The following PKHD1 variants were observed in gnomAD, a reference collection of about 807,000 sequenced individuals.
The protein encoded by PKHD1 is fibrocystin.
PKHD1 carries 291 observed loss-of-function variants against 412.0 expected under a neutral mutation model. The observed-to-expected ratio is 0.71, with a 90% CI of 0.64 to 0.78. The LOEUF is 0.78. PKHD1 is among the 30% of genes least tolerant of loss of function. The pLI is 0.00. For missense variants in PKHD1, 4,825 were observed against 4,950.7 expected, an observed-to-expected ratio of 0.97 and a Z score of 0.76; for synonymous variants, 1,777 against 1,821.5, an observed-to-expected ratio of 0.98 and a Z score of 0.62.
At chr6:51,655,451 T>C (rs1050488431) in intron 61 of PKHD1, among the ~76,000 whole-genome samples, 4 of 152,110 alleles carry the variant, frequency 2.6e-5, no homozygotes, top group African/African-American at 9.7e-5. Context: ...CTTAAAAAGC[T>C]ACTAATATGA....
At chr6:51,790,105 T>C (rs1416800216) in intron 53 of PKHD1, among the ~76,000 whole-genome samples, 12 of 152,196 alleles carry the variant, frequency 7.9e-5, no homozygotes, top group Admixed American at 7.9e-4. Context: ...CCAACTGAGA[T>C]TCTAAAATTT....
chr6:51,632,332 A>G (rs1317042966), intron 65 of PKHD1, among the ~76,000 whole-genome samples: 1 of 152,182 alleles, frequency 6.6e-6, no homozygotes, highest in Non-Finnish European at 1.5e-5. Context: ...AATGTGTTCC[A>G]TAGTGAGTAT....
intron 23 of PKHD1, among the ~76,000 whole-genome samples, chr6:52,046,752 C>T (rs1422311188): frequency 2.0e-5 from 3 of 152,250 alleles, no homozygotes; most frequent in Non-Finnish European, 4.4e-5. Context: ...TAACAGCTCT[C>T]TGTATTTGAA....
At chr6:52,078,058 G>A (rs1390491624) in intron 5 of PKHD1, among the ~76,000 whole-genome samples, 1 of 152,132 alleles carries the variant, frequency 6.6e-6, no homozygotes, top group African/African-American at 2.4e-5. Context: ...ATTTCAACCT[G>A]AAATCTAAGA....
intron 12 of PKHD1, 114 bp from the exon 13 acceptor site, chr6:52,065,164 T>TAGAGAGAGAGAGAGAGAGAGAG (rs1415728896): frequency 1.8e-5 from 1 of 57,124 alleles, no homozygotes; most frequent in African/African-American, 8.9e-5. Flanking sequence ...TATATATATA[T>TAGAGAGAGAGAGAGAGAGAGAG]ATATAGAGAG....
chr6:52,017,277 C>T (rs9349614), intron 34 of PKHD1, 133 bp downstream of exon 34: 1 of 732,814 alleles, frequency 1.4e-6, no homozygotes. Flanking sequence ...AATGGAATGG[C>T]CCCTCCAAGA....
rs1473880969 is a variant in PKHD1 at position 51,760,713 on chromosome 6, C to T, written c.8643-5775G>A. ...AGAAACATTCCAAACAAAATATATA[C>T]AAAGAACACATCATTAATTTAACAT... On this transcript the variant is annotated intron_variant, in intron 55 of 66. Transcript: ENST00000371117. Among the ~76,000 whole-genome samples, 8 of 151,946 alleles carry T rather than the reference C, an allele frequency of 5.3e-5. No homozygotes were observed. In the East Asian group the frequency reaches 1.5e-3, roughly 29 times the overall value.
chr6:51,874,650 C>T (rs1346819166), intron 46 of PKHD1, among the ~76,000 whole-genome samples: 1 of 152,098 alleles, frequency 6.6e-6, no homozygotes, highest in African/African-American at 2.4e-5. Flanking sequence ...AATTCCTGGC[C>T]AGGCGCAGTG....
At chr6:52,054,743 T>C (rs540309878) in intron 19 of PKHD1, among the ~76,000 whole-genome samples, 1 of 152,222 alleles carries the variant, frequency 6.6e-6, no homozygotes, top group African/African-American at 2.4e-5. Flanking sequence ...ACCCACCAGA[T>C]GCCAATAGCA....
At chr6:51,706,494 A>AG (rs1554201002) in intron 60 of PKHD1, among the ~76,000 whole-genome samples, 5 of 150,630 alleles carry the variant, frequency 3.3e-5, no homozygotes, top group South Asian at 4.2e-4. Context: ...AAAAAAAAAA[A>AG]GGGTAACATG....
At chr6:51,910,724 C>T (rs1201187274) in intron 39 of PKHD1, among the ~76,000 whole-genome samples, 2 of 151,932 alleles carry the variant, frequency 1.3e-5, no homozygotes, top group Non-Finnish European at 2.9e-5. Context: ...ATGTAGATCC[C>T]AATTCTGCAG....
At chr6:51,988,677 C>A (rs779384605) in intron 35 of PKHD1, among the ~76,000 whole-genome samples, 2 of 152,168 alleles carry the variant, frequency 1.3e-5, no homozygotes, top group Non-Finnish European at 2.9e-5. Context: ...TTAGAGAGGG[C>A]TTTACACCTG....
intron 27 of PKHD1, among the ~76,000 whole-genome samples, chr6:52,039,877 G>A (rs1250998387): frequency 1.3e-5 from 2 of 152,162 alleles, no homozygotes; most frequent in Non-Finnish European, 2.9e-5. Flanking sequence ...GAGATGGATG[G>A]AAAACAAAAT....
intron 55 of PKHD1, among the ~76,000 whole-genome samples, chr6:51,771,096 T>G (rs1446400392): frequency 6.9e-6 from 1 of 144,018 alleles, no homozygotes. Context: ...CTCCCATAAT[T>G]GTGTAAATCT....
At chr6:51,751,215 T>C (rs1025971223) in intron 57 of PKHD1, among the ~76,000 whole-genome samples, 1 of 152,184 alleles carries the variant, frequency 6.6e-6, no homozygotes, top group Non-Finnish European at 1.5e-5. Flanking sequence ...CCCTCCAATA[T>C]AAAAGTAGGA....
At chr6:52,050,105 G>A (rs1319227531) in intron 22 of PKHD1, 52 bp downstream of exon 22, 4 of 1,587,552 alleles carry the variant, frequency 2.5e-6, no homozygotes, top group Admixed American at 1.7e-5. Context: ...GTCCCTCAAG[G>A]CCAACAAGCA....
intron 48 of PKHD1, among the ~76,000 whole-genome samples, chr6:51,860,008 G>T (rs1363198074): frequency 1.3e-5 from 2 of 152,180 alleles, no homozygotes; most frequent in African/African-American, 2.4e-5. Context: ...TTCATGCACT[G>T]CTCATTCTCT....
chr6:51,932,190 T>A (rs983650657), intron 37 of PKHD1, among the ~76,000 whole-genome samples: 1 of 152,206 alleles, frequency 6.6e-6, no homozygotes, highest in Non-Finnish European at 1.5e-5. Flanking sequence ...GACTAGGGAT[T>A]TTCTTGACAT....
chr6:52,028,399 C>G, intron 29 of PKHD1, 48 bp from the exon 30 acceptor site: 1 of 1,531,476 alleles, frequency 6.5e-7, no homozygotes, highest in East Asian at 2.2e-5. Flanking sequence ...GGTTTGTGGG[C>G]TCAACCATCT....
Sources: allele counts gnomAD v4.1 joint callset (sites outside exome capture counted in the v4.1 genomes callset), GRCh38; gene constraint gnomAD v4.1.1; transcripts MANE v1.5; gene names NCBI Gene and HGNC (gene_info 2026-07-23, HGNC 2026-07-21).